The following NCKAP5L variants were observed in gnomAD, a reference collection of about 807,000 sequenced individuals.
The protein encoded by NCKAP5L is nck-associated protein 5-like.
NCKAP5L carries 54 observed loss-of-function variants against 103.2 expected under a neutral mutation model. That is an observed-to-expected ratio of 0.52 (90% CI 0.42 to 0.66). NCKAP5L has a LOEUF of 0.66. NCKAP5L is among the 30% of genes least tolerant of loss of function. NCKAP5L has a pLI of 0.00. For missense variants in NCKAP5L, 1,733 were observed against 1,750.6 expected, an observed-to-expected ratio of 0.99 and a Z score of 0.18; for synonymous variants, 762 against 748.6, an observed-to-expected ratio of 1.02 and a Z score of -0.29.
intron 1 of NCKAP5L, 29 bp from the exon 2 acceptor site, chr12:49,806,070 C>T (rs1349053143): frequency 6.6e-6 from 1 of 151,990 alleles, no homozygotes; most frequent in Non-Finnish European, 1.5e-5. Context: ...AGACGTCAGC[C>T]ACGCACTTAC....
intron 1 of NCKAP5L, among the ~76,000 whole-genome samples, chr12:49,824,213 C>T (rs1169675414): frequency 3.3e-5 from 5 of 152,220 alleles, no homozygotes; most frequent in Admixed American, 6.5e-5. Flanking sequence ...CAGAGTGTCA[C>T]AAAGCAGGCT....
rs757496626 is a variant in NCKAP5L, at chr12:49,791,821, G to A, written c.*18C>T. 36 of 1,560,284 alleles carry A rather than the reference G, an allele frequency of 2.3e-5. No homozygotes were observed. The highest frequency in any genetic ancestry group is 5.9e-5 in the South Asian group (5 of 84,072). On this transcript the variant is annotated 3_prime_UTR_variant, in exon 13 of 13. Transcript: ENST00000335999. ...TGTGGTCCCCAGCTCCAGCGGGGCC[G>A]TGGCGTGGCGCAGCCCCTCAGCCCT...
chr12:49,813,338 G>A (rs773940218), intron 1 of NCKAP5L, among the ~76,000 whole-genome samples: 2 of 152,176 alleles, frequency 1.3e-5, no homozygotes, highest in African/African-American at 2.4e-5. Context: ...CAGCCACCCA[G>A]TAAGTGTGAA....
intron 1 of NCKAP5L, among the ~76,000 whole-genome samples, chr12:49,808,346 G>A (rs990006164): frequency 2.0e-5 from 3 of 152,336 alleles, no homozygotes; most frequent in Admixed American, 2.0e-4. Flanking sequence ...GCCTCACAGC[G>A]AGGGGGTCTG....
intron 1 of NCKAP5L, among the ~76,000 whole-genome samples, chr12:49,818,117 G>A (rs955848284): frequency 6.6e-6 from 1 of 150,702 alleles, no homozygotes; most frequent in Non-Finnish European, 1.5e-5. Flanking sequence ...GGGTGACACA[G>A]CAAGGCTGTG....
In NCKAP5L at chr12:49,795,980, C is replaced by G; in HGVS notation, c.1880G>C (p.Gly627Ala). Residue 627 changes from glycine to alanine, a missense_variant, in exon 8 of 13, where the codon GGC becomes GCC. Coordinates refer to ENST00000335999, the MANE Select transcript of NCKAP5L (RefSeq NM_001037806.4). ...SPQEKSLDKA[G>A]SESPHPGRRT... ...GCGGCCGGGATGGGGAGACTCCGAGCCTGCCTTGTCCAAACTCTTCTCTTG... is the reference window on the plus strand; with the variant it reads ...GCGGCCGGGATGGGGAGACTCCGAGGCTGCCTTGTCCAAACTCTTCTCTTG... 6.5e-7 allele frequency: 1 copy of G among 1,536,804 alleles called. No homozygotes were observed.
Position 49,792,813 on chromosome 12 carries a change from G to T in NCKAP5L, c.3514C>A (p.Arg1172Ser). The change falls in exon 11 of 13, where the codon CGC becomes AGC. Residue 1172 changes from arginine to serine, a missense_variant. Physicochemically the swap from Arg to Ser is moderately radical, Grantham distance 110. Transcript: ENST00000335999. The surrounding 1 kb of genome is among the most constrained non-coding windows in gnomAD (Gnocchi z 4.5). ...ACCTCCCGCTCCAGTGTGTGGGCGC[G>T]GCGGGGGACTTTGGTAAGGGGTGGG... ...RPPPLTKVPR[R>S]AHTLEREVPG... The T allele has an allele frequency of 6.3e-7, 1 of 1,591,782 alleles. No homozygotes were observed.
chr12:49,797,165 G>T lies in NCKAP5L; in HGVS notation c.695C>A (p.Pro232Gln). The part of the protein sequence containing the change: ...PEPINGELCG[P>Q]PQPEPSPWAP... ...CCAGGGTGAGGGTTCAGGCTGAGGC[G>T]GGCCACACAGCTCGCCGTTGATGGG... Residue 232 changes from proline (P) to glutamine (Q), a missense_variant, in exon 8 of 13, where the codon CCG becomes CAG. Physicochemically the swap from Pro to Gln is moderately conservative, Grantham distance 76. Coordinates refer to ENST00000335999, the MANE Select transcript of NCKAP5L (RefSeq NM_001037806.4). This position sits in a 1 kb window ranked among gnomAD's most constrained non-coding sequence, Gnocchi z 4.5. 2 of 1,610,964 alleles carry T rather than the reference G, an allele frequency of 1.2e-6. No individual in the cohort carries two copies. Among genetic ancestry groups the T allele is most frequent in the Non-Finnish European group, 1.7e-6 (2 of 1,178,916 alleles).
At position 49,795,498 on chromosome 12, in the gene NCKAP5L, G is replaced by A. The variant is rs752937833; in HGVS notation, c.2362C>T (p.Pro788Ser). 4 of 1,533,122 alleles carry A rather than the reference G, an allele frequency of 2.6e-6. No homozygotes were observed. Among genetic ancestry groups the A allele is most frequent in the Non-Finnish European group, 3.5e-6 (4 of 1,145,210 alleles). The allele number at this position is 1,533,122 out of a possible 1,614,324, so 95.0% of individuals were successfully genotyped here. A position where few individuals can be genotyped will look rare whatever the true frequency, so the allele number is the denominator to read the frequency against. Residue 788 changes from proline (P) to serine (S), a missense_variant, in exon 8 of 13, where the codon CCC (proline) becomes TCC (serine). Transcript: ENST00000335999. ...AKSRLAGALC[P>S]QVPRTPAKVP... ...TTGGCAGGGGTACGGGGTACCTGGGGGCACAGGGCCCCTGCCAGCCGGCTC... is the reference window on the plus strand; with the variant it reads ...TTGGCAGGGGTACGGGGTACCTGGGAGCACAGGGCCCCTGCCAGCCGGCTC...
chr12:49,796,760 G>A lies in NCKAP5L; in HGVS notation c.1100C>T (p.Pro367Leu). The A allele has an allele frequency of 6.2e-7, 1 of 1,613,490 alleles. No individual in the cohort carries two copies. The highest frequency in any genetic ancestry group is 8.5e-7 in the Non-Finnish European group (1 of 1,179,742). The change falls in exon 8 of 13, where the codon CCC (proline) becomes CTC (leucine). Residue 367 changes from proline to leucine, a missense_variant. Physicochemically the swap from Pro to Leu is moderately conservative, Grantham distance 98 (BLOSUM62 -3). Coordinates refer to ENST00000335999, the MANE Select transcript of NCKAP5L (RefSeq NM_001037806.4). Reference protein sequence around the residue: ...PGQSSSPDQAPPQLSKSKGLP... With the variant: ...PGQSSSPDQALPQLSKSKGLP... ...GCCTTTGGACTTAGACAGCTGTGGG[G>A]GCGCCTGGTCTGGGGAGGATGACTG...
At chr12:49,816,967 C>T (rs1946305914) in intron 1 of NCKAP5L, among the ~76,000 whole-genome samples, 1 of 152,024 alleles carries the variant, frequency 6.6e-6, no homozygotes, top group Admixed American at 6.6e-5. Flanking sequence ...AGCTCTTGGG[C>T]TTCTTGGAGC....
At position 49,791,867 on chromosome 12, in the gene NCKAP5L, G is replaced by A. The variant is rs1945939810; in HGVS notation, c.3977C>T (p.Ser1326Leu). 1.2e-6 allele frequency: 2 copies of A among 1,610,464 alleles called. No individual in the cohort carries two copies. The highest frequency in any genetic ancestry group is 1.7e-6 in the Non-Finnish European group (2 of 1,178,392). The change falls in exon 13 of 13, where the codon TCG (serine) becomes TTG (leucine). Residue 1326 changes from serine (S) to leucine (L), a missense_variant. Coordinates refer to ENST00000335999, the MANE Select transcript of NCKAP5L (RefSeq NM_001037806.4). ...SESLSDSLYD[S>L]LSSCGSQG The stretch of plus-strand genomic sequence containing the variant: ...GCCCTGACTCCCACAAGAGGACAGC[G>A]AGTCGTAGAGTGAGTCACTGAGAGA...
At chr12:49,800,993 A>C (rs1329686736) in intron 6 of NCKAP5L, among the ~76,000 whole-genome samples, 1 of 152,172 alleles carries the variant, frequency 6.6e-6, no homozygotes, top group Non-Finnish European at 1.5e-5. Context: ...GTGGACTCTG[A>C]CCCAGCTCTG....
At chr12:49,798,290 C>T in intron 7 of NCKAP5L, 60 bp downstream of exon 7, 1 of 1,415,008 alleles carries the variant, frequency 7.1e-7, no homozygotes, top group Admixed American at 2.0e-5. Flanking sequence ...AACAGCCCTT[C>T]TCCAGATATT....
intron 8 of NCKAP5L, among the ~76,000 whole-genome samples, chr12:49,794,193 C>T (rs972254426): frequency 2.6e-5 from 4 of 152,288 alleles, no homozygotes; most frequent in Admixed American, 1.3e-4. Context: ...CTGGCAGACC[C>T]GGTCACATCC....
At chr12:49,808,513 A>G (rs1206669506) in intron 1 of NCKAP5L, among the ~76,000 whole-genome samples, 1 of 152,188 alleles carries the variant, frequency 6.6e-6, no homozygotes, top group African/African-American at 2.4e-5. Context: ...CAAGATTTCT[A>G]AAGAAAACTT....
At chr12:49,815,040 A>G (rs1207080143) in intron 1 of NCKAP5L, among the ~76,000 whole-genome samples, 1 of 152,260 alleles carries the variant, frequency 6.6e-6, no homozygotes, top group Non-Finnish European at 1.5e-5. Context: ...ATTATATCTG[A>G]GGACACACAT....
chr12:49,796,468 G>A lies in NCKAP5L; in HGVS notation c.1392C>T (p.Thr464=). The A allele has an allele frequency of 6.5e-7, 1 of 1,532,178 alleles. No individual in the cohort carries two copies. Among genetic ancestry groups the A allele is most frequent in the Middle Eastern group, 1.8e-4 (1 of 5,650 alleles). The allele number at this position is 1,532,178 out of a possible 1,614,324, so 94.9% of individuals were successfully genotyped here. A position where few individuals can be genotyped will look rare whatever the true frequency, so the allele number is the denominator to read the frequency against. ...CTCCTGGGCTGGGGCTCTTCTCCGA[G>A]GTTGGAGGCAGCTTTAGAAACTTGA... The part of the protein sequence containing the change: ...RGLKFLKLPP[T]SEKSPSPGGP... Residue 464 remains threonine, a synonymous_variant, in exon 8 of 13, where the codon ACC becomes ACT. Transcript: ENST00000335999.
intron 1 of NCKAP5L, among the ~76,000 whole-genome samples, chr12:49,807,963 C>G (rs943099332): frequency 6.6e-6 from 1 of 152,178 alleles, no homozygotes; most frequent in Admixed American, 6.5e-5. Flanking sequence ...ACCGGGAAAC[C>G]CTAAGATTTG....
Sources: allele counts gnomAD v4.1 joint callset (sites outside exome capture counted in the v4.1 genomes callset), GRCh38; gene constraint gnomAD v4.1.1; non-coding constraint Gnocchi (gnomAD v3.1); transcripts MANE v1.5; gene names NCBI Gene and HGNC (gene_info 2026-07-23, HGNC 2026-07-21).